The following IL1RAPL1 variants were observed in gnomAD, a reference collection of about 807,000 sequenced individuals.
The protein encoded by IL1RAPL1 is interleukin-1 receptor accessory protein-like 1.
In IL1RAPL1, 3 loss-of-function variants were observed where a neutral mutation model predicts 48.4. That is an observed-to-expected ratio of 0.06 (90% CI 0.03 to 0.16). The LOEUF (loss-of-function observed/expected upper bound fraction) is 0.16. Among genes scored for constraint, IL1RAPL1 ranks in the 10% least tolerant of loss-of-function variants. IL1RAPL1 has a pLI of 1.00. For missense variants in IL1RAPL1, 349 were observed against 530.6 expected (o/e 0.66, Z 3.36); for synonymous variants, 185 against 187.7 (o/e 0.99, Z 0.12).
At chrX:29,260,956 AAAT>A (rs1177618280) in intron 2 of IL1RAPL1, among the ~76,000 whole-genome samples, 2 of 107,708 alleles carry the variant, frequency 1.9e-5, no homozygotes, top group East Asian at 2.8e-4. Flanking sequence ...TGAACGAATA[AAAT>A]AATAAAATGT....
chrX:29,561,114 C>G lies in IL1RAPL1; in HGVS notation c.704-107316C>G, dbSNP rs748643749. ...CTCTTGTTTCCTCTTCAAGAAGAAG[C>G]TTTATGTTTGAATGTCTTCTCTTGA... On this transcript the variant is annotated intron_variant, in intron 5 of 10. Coordinates refer to ENST00000378993, the MANE Select transcript of IL1RAPL1 (RefSeq NM_014271.4). Among the ~76,000 whole-genome samples, 20 of 112,213 alleles carry G rather than the reference C, an allele frequency of 1.8e-4. No homozygotes were observed. In the East Asian group the frequency reaches 5.6e-3, roughly 31 times the overall value.
intron 1 of IL1RAPL1, among the ~76,000 whole-genome samples, chrX:28,747,445 A>T (rs988692669): frequency 1.4e-4 from 16 of 110,934 alleles, no homozygotes; most frequent in Non-Finnish European, 2.8e-4. Context: ...GTTCAAGACC[A>T]TACTGGCCAA....
intron 2 of IL1RAPL1, among the ~76,000 whole-genome samples, chrX:29,214,330 G>A (rs1249678203): frequency 9.0e-6 from 1 of 111,377 alleles, no homozygotes; most frequent in African/African-American, 3.3e-5. Flanking sequence ...GGGCTTATGT[G>A]TTTGGGATGC....
At chrX:29,901,596 CA>C (rs1462591899) in intron 6 of IL1RAPL1, among the ~76,000 whole-genome samples, 1 of 111,785 alleles carries the variant, frequency 8.9e-6, no homozygotes, top group Non-Finnish European at 1.9e-5. Flanking sequence ...ATTTTCCCCC[CA>C]TATTTTTCCT....
At chrX:29,894,029 G>A (rs765763156) in intron 6 of IL1RAPL1, among the ~76,000 whole-genome samples, 3 of 111,828 alleles carry the variant, frequency 2.7e-5, no homozygotes, top group Non-Finnish European at 5.6e-5. Context: ...TTCCAGTTAC[G>A]GTGATAATTT....
intron 2 of IL1RAPL1, among the ~76,000 whole-genome samples, chrX:29,262,620 G>A (rs1034875368): frequency 9.3e-5 from 10 of 107,277 alleles, no homozygotes; most frequent in East Asian, 2.9e-4. Context: ...CTGAGATCGC[G>A]CCACTGAACT....
intron 2 of IL1RAPL1, among the ~76,000 whole-genome samples, chrX:29,160,491 C>G (rs150703404): frequency 1.7e-3 from 186 of 111,669 alleles, no homozygotes; most frequent in African/African-American, 5.7e-3. Context: ...ATAGATGATA[C>G]TACTACTAAT....
intron 6 of IL1RAPL1, among the ~76,000 whole-genome samples, chrX:29,883,735 A>C (rs1056210517): frequency 8.9e-6 from 1 of 111,979 alleles, no homozygotes; most frequent in African/African-American, 3.3e-5. Flanking sequence ...TAATTAGAAT[A>C]AATTTTCTGC....
intron 5 of IL1RAPL1, among the ~76,000 whole-genome samples, chrX:29,491,560 C>CAATT (rs1935159709): frequency 8.9e-6 from 1 of 112,310 alleles, no homozygotes; most frequent in Admixed American, 9.4e-5. Context: ...CATTTGCCTA[C>CAATT]AATTACACAG....
rs771773204 is a variant in IL1RAPL1 at position 29,206,097 on chromosome X, T to A, written c.83-76841T>A. On this transcript the variant is annotated intron_variant, in intron 2 of 10. Transcript: ENST00000378993. ...ATTATTAGTACTGAATAAGTACTAG[T>A]GGAGAAAGTAATTACCTGATCTATA... 2.7e-5 allele frequency among the ~76,000 whole-genome samples: 3 copies of A among 111,626 alleles called. No homozygotes were observed. In the East Asian group the frequency reaches 8.4e-4, roughly 31 times the overall value.
intron 5 of IL1RAPL1, among the ~76,000 whole-genome samples, chrX:29,441,058 T>C (rs1208592539): frequency 2.7e-5 from 3 of 111,258 alleles, no homozygotes; most frequent in Admixed American, 9.6e-5. Context: ...CTTACCTTTT[T>C]TCTTCTGTTA....
intron 1 of IL1RAPL1, among the ~76,000 whole-genome samples, chrX:28,631,493 A>C (rs1418570775): frequency 8.9e-6 from 1 of 112,556 alleles, no homozygotes; most frequent in African/African-American, 3.2e-5. Flanking sequence ...CCAGGAGAGC[A>C]TATGCACAAC....
chrX:29,896,168 C>T (rs1041809783), intron 6 of IL1RAPL1, among the ~76,000 whole-genome samples: 7 of 111,875 alleles, frequency 6.3e-5, no homozygotes, highest in Admixed American at 2.8e-4. Flanking sequence ...AGATGGGAAA[C>T]GACTTTCAGT....
chrX:29,283,480 T>G (rs952366979), intron 3 of IL1RAPL1, among the ~76,000 whole-genome samples: 1 of 112,250 alleles, frequency 8.9e-6, no homozygotes, highest in African/African-American at 3.2e-5. Flanking sequence ...GAAATAAAAT[T>G]TATACAGGAA....
intron 5 of IL1RAPL1, among the ~76,000 whole-genome samples, chrX:29,551,701 G>T (rs1036072073): frequency 3.6e-5 from 4 of 110,688 alleles, no homozygotes; most frequent in Admixed American, 9.6e-5. Context: ...GCTTTCTTGG[G>T]GTTCAAAAAC....
intron 2 of IL1RAPL1, among the ~76,000 whole-genome samples, chrX:28,811,341 A>G (rs899816628): frequency 9.0e-6 from 1 of 111,222 alleles, no homozygotes; most frequent in Non-Finnish European, 1.9e-5. Context: ...ACCTATTGTA[A>G]TTAGTAATGT....
chrX:29,617,466 T>C (rs1282794673), intron 5 of IL1RAPL1, among the ~76,000 whole-genome samples: 1 of 112,071 alleles, frequency 8.9e-6, no homozygotes, highest in Non-Finnish European at 1.9e-5. Context: ...GCACAGTCCT[T>C]AATGACAGCA....
intron 2 of IL1RAPL1, among the ~76,000 whole-genome samples, chrX:29,061,289 A>G (rs1927334957): frequency 8.9e-6 from 1 of 111,803 alleles, no homozygotes; most frequent in South Asian, 3.7e-4. Context: ...AAACCATAAC[A>G]CCTGTCTGAT....
chrX:29,866,292 A>T (rs186844272), intron 6 of IL1RAPL1, among the ~76,000 whole-genome samples: 1 of 111,759 alleles, frequency 8.9e-6, no homozygotes, highest in Non-Finnish European at 1.9e-5. Context: ...ACTGGGGGCC[A>T]GGAGTAAATT....
Sources: allele counts gnomAD v4.1 joint callset (sites outside exome capture counted in the v4.1 genomes callset), GRCh38; gene constraint gnomAD v4.1.1; transcripts MANE v1.5; gene names NCBI Gene and HGNC (gene_info 2026-07-23, HGNC 2026-07-21).